RELN: variants seen among roughly 807,000 people sequenced by gnomAD.
RELN encodes reelin.
A neutral mutation model predicts 427.6 loss-of-function variants in RELN; 108 were observed. That is an observed-to-expected ratio of 0.25 (90% CI 0.22 to 0.30). The LOEUF (loss-of-function observed/expected upper bound fraction) is 0.30, where lower values mean the gene tolerates loss of function less well. Among genes scored for constraint, RELN ranks in the 10% least tolerant of loss-of-function variants. The pLI, the probability that RELN is intolerant of heterozygous loss-of-function variation, is 1.00. For missense variants in RELN, 3,715 were observed against 4,302.8 expected (o/e 0.86, Z 3.82); for synonymous variants, 1,524 against 1,513.4 (o/e 1.01, Z -0.16).
At chr7:103,776,701 A>T (rs1246700327) in intron 3 of RELN, 74 bp from the exon 4 acceptor site, 1 of 1,440,876 alleles carries the variant, frequency 6.9e-7, no homozygotes, top group African/African-American at 1.4e-5. Flanking sequence ...AAAACTTTTT[A>T]AAAAGCTTAT....
At chr7:103,885,235 A>C (rs976568548) in intron 2 of RELN, among the ~76,000 whole-genome samples, 2 of 152,058 alleles carry the variant, frequency 1.3e-5, no homozygotes, top group Non-Finnish European at 2.9e-5. Flanking sequence ...GCTACTTGGG[A>C]GGCTGAGGCA....
At chr7:103,643,741 T>A (rs1391863736) in intron 16 of RELN, among the ~76,000 whole-genome samples, 3 of 152,012 alleles carry the variant, frequency 2.0e-5, no homozygotes, top group Admixed American at 1.3e-4. Flanking sequence ...GATCCTATTT[T>A]TAGGTTTCTA....
At chr7:103,596,773 TC>T in intron 24 of RELN, 112 bp from the exon 25 acceptor site, 1 of 909,160 alleles carries the variant, frequency 1.1e-6, no homozygotes, top group Non-Finnish European at 1.8e-6. Flanking sequence ...AATGGTCTCG[TC>T]CCCATTTATT....
At position 103,852,625 on chromosome 7, in the gene RELN, C is replaced by T. The variant is rs547887964; in HGVS notation, c.338-18953G>A. 4.6e-5 allele frequency among the ~76,000 whole-genome samples: 7 copies of T among 152,148 alleles called. No homozygotes were observed. The East Asian group carries it at 9.7e-4, about 21-fold the overall frequency. ...CCTTAATGACTGACAAAATCAATGA[C>T]CTTTCTTTTCTGGCAAAGAAACTTC... On this transcript the variant is annotated intron_variant, in intron 2 of 64. Transcript: ENST00000428762.
At chr7:103,664,943 T>A (rs1833226221) in intron 11 of RELN, among the ~76,000 whole-genome samples, 1 of 152,172 alleles carries the variant, frequency 6.6e-6, no homozygotes, top group African/African-American at 2.4e-5. Flanking sequence ...GGATGAGTTT[T>A]AATTTTAATA....
At chr7:103,964,713 T>C (rs1796627921) in intron 1 of RELN, among the ~76,000 whole-genome samples, 1 of 152,260 alleles carries the variant, frequency 6.6e-6, no homozygotes, top group Non-Finnish European at 1.5e-5. Flanking sequence ...CGTTCATTCA[T>C]GTTTATGCAT....
intron 3 of RELN, among the ~76,000 whole-genome samples, chr7:103,797,183 G>C (rs1313907416): frequency 6.6e-6 from 1 of 151,920 alleles, no homozygotes; most frequent in Non-Finnish European, 1.5e-5. Context: ...CCTCAGGTTC[G>C]ACCTGCCTCT....
Position 103,510,876 on chromosome 7 carries a change from G to T in RELN, c.8249C>A (p.Thr2750Asn). 6.2e-7 allele frequency: 1 copy of T among 1,613,670 alleles called. No homozygotes were observed. Among genetic ancestry groups the T allele is most frequent in the Non-Finnish European group, 8.5e-7 (1 of 1,179,680 alleles). ...VYAVTHDLTPTEGWIMQFKIS... is the reference protein window; with the variant it reads ...VYAVTHDLTPNEGWIMQFKIS... ...CTTGAATTGCATAATCCAGCCTTCA[G>T]TGGGAGTCAGGTCATGGGTCACTGC... Residue 2750 changes from threonine to asparagine, a missense_variant, in exon 51 of 65, where the codon ACT becomes AAT. Transcript: ENST00000428762.
At chr7:103,544,119 T>C (rs904045476) in intron 42 of RELN, among the ~76,000 whole-genome samples, 2 of 150,482 alleles carry the variant, frequency 1.3e-5, no homozygotes, top group African/African-American at 5.0e-5. Flanking sequence ...TATGGCTGAG[T>C]AATGTTCCAC....
rs551099141 is a variant in RELN, at chr7:103,849,646, C to G, written c.338-15974G>C. ...TATATAGTTGTAAGTACATGTCTCT[C>G]TTTTTGCTACTACTCTCCCTGCATA... On this transcript the variant is annotated intron_variant, in intron 2 of 64. Transcript: ENST00000428762. Among the ~76,000 whole-genome samples the G allele has an allele frequency of 3.3e-5, 5 of 152,254 alleles. No individual in the cohort carries two copies. The South Asian group carries it at 6.2e-4, about 19-fold the overall frequency.
chr7:103,523,987 A>G (rs1416169127), intron 46 of RELN, among the ~76,000 whole-genome samples: 1 of 152,200 alleles, frequency 6.6e-6, no homozygotes, highest in Non-Finnish European at 1.5e-5. Context: ...GGCCATTATT[A>G]CAATATTCTA....
chr7:103,984,680 G>A (rs114124829), intron 1 of RELN, among the ~76,000 whole-genome samples: 1,698 of 152,188 alleles, frequency 0.011, 29 homozygotes, highest in African/African-American at 0.039. Context: ...GCTCTAAAAT[G>A]CCCAATTTTC....
intron 2 of RELN, among the ~76,000 whole-genome samples, chr7:103,845,240 G>C (rs1268953974): frequency 6.6e-6 from 1 of 151,918 alleles, no homozygotes; most frequent in Non-Finnish European, 1.5e-5. Context: ...ACCCAGGCTG[G>C]AGTGCAGTGG....
At chr7:103,905,258 G>A (rs564934605) in intron 2 of RELN, among the ~76,000 whole-genome samples, 7 of 151,960 alleles carry the variant, frequency 4.6e-5, no homozygotes, top group Non-Finnish European at 1.0e-4. Flanking sequence ...GATTACAGGC[G>A]TGAGCCACTG....
intron 6 of RELN, among the ~76,000 whole-genome samples, chr7:103,732,445 T>C (rs1329080512): frequency 1.3e-5 from 2 of 152,126 alleles, no homozygotes; most frequent in Admixed American, 1.3e-4. Flanking sequence ...CTAATATTTT[T>C]TTCTATCAAT....
chr7:103,912,096 T>C (rs986408875), intron 2 of RELN, among the ~76,000 whole-genome samples: 2 of 152,150 alleles, frequency 1.3e-5, no homozygotes, highest in Non-Finnish European at 2.9e-5. Context: ...AAATATGACA[T>C]GAATAGCTGA....
chr7:103,975,975 A>C (rs1301874866), intron 1 of RELN, among the ~76,000 whole-genome samples: 2 of 152,128 alleles, frequency 1.3e-5, no homozygotes, highest in Non-Finnish European at 2.9e-5. Flanking sequence ...AGACAAGAGA[A>C]TAGCACTGCA....
chr7:103,478,257 T>C, intron 64 of RELN, 132 bp downstream of exon 64: 1 of 618,048 alleles, frequency 1.6e-6, no homozygotes, highest in Non-Finnish European at 2.9e-6. Flanking sequence ...ACCAGTATCA[T>C]TTATTACTGT....
At chr7:103,532,318 G>A (rs541776565) in intron 46 of RELN, among the ~76,000 whole-genome samples, 3 of 152,300 alleles carry the variant, frequency 2.0e-5, no homozygotes, top group East Asian at 1.9e-4. Context: ...AGGAGGGAAA[G>A]CATCAGGAAG....
Sources: allele counts gnomAD v4.1 joint callset (sites outside exome capture counted in the v4.1 genomes callset), GRCh38; gene constraint gnomAD v4.1.1; transcripts MANE v1.5; gene names NCBI Gene and HGNC (gene_info 2026-07-23, HGNC 2026-07-21).